The following DENND1B variants were observed in gnomAD, a reference collection of about 807,000 sequenced individuals.
DENND1B encodes DENN domain-containing protein 1B.
DENND1B carries 59 observed loss-of-function variants against 90.1 expected under a neutral mutation model. The observed-to-expected ratio is 0.65, with a 90% CI of 0.53 to 0.81. DENND1B has a LOEUF of 0.81. Among genes scored for constraint, DENND1B ranks in the 40% least tolerant of loss-of-function variants. DENND1B has a pLI of 0.00. For synonymous variants in DENND1B, 337 were observed against 324.6 expected, an observed-to-expected ratio of 1.04 and a Z score of -0.41; for missense variants, 862 against 912.6, an observed-to-expected ratio of 0.94 and a Z score of 0.71.
intron 15 of DENND1B, among the ~76,000 whole-genome samples, chr1:197,574,313 C>G (rs1422891083): frequency 6.6e-6 from 1 of 152,020 alleles, no homozygotes; most frequent in African/African-American, 2.4e-5. Flanking sequence ...AATCGGAGAG[C>G]CAAATCATGA....
At chr1:197,546,135 CAGTG>C (rs1670802056) in intron 17 of DENND1B, 145 bp from the exon 18 acceptor site, 2 of 310,572 alleles carry the variant, frequency 6.4e-6, no homozygotes, top group African/African-American at 6.0e-5. Flanking sequence ...GTTCAGTGTT[CAGTG>C]TTTTCAAGTT....
Position 197,540,877 on chromosome 1 carries a change from A to G in DENND1B, c.1407+82T>C, listed in dbSNP as rs1008672073. 7.6e-6 allele frequency: 10 copies of G among 1,323,514 alleles called. No individual in the cohort carries two copies. The Admixed American group carries it at 8.0e-5, about 11-fold the overall frequency. 82.0% of individuals were successfully genotyped at this position (1,323,514 alleles called of 1,614,324 possible). A position where few individuals can be genotyped will look rare whatever the true frequency, so the allele number is the denominator to read the frequency against. On this transcript the variant is annotated intron_variant, in intron 19 of 22. Coordinates refer to ENST00000620048, the MANE Select transcript of DENND1B (RefSeq NM_001195215.2). ...AAGCATATTTCAAATGTCATTAAAA[A>G]CACAAATTTCTAATTTGGAAGTATA...
At chr1:197,601,077 C>A (rs945307950) in intron 13 of DENND1B, among the ~76,000 whole-genome samples, 4 of 151,834 alleles carry the variant, frequency 2.6e-5, no homozygotes, top group African/African-American at 9.6e-5. Context: ...TTCTCTCCAA[C>A]TGCACCCTGT....
chr1:197,537,069 C>T (rs1669966468), intron 20 of DENND1B, among the ~76,000 whole-genome samples: 1 of 151,096 alleles, frequency 6.6e-6, no homozygotes, highest in Admixed American at 6.6e-5. Context: ...ATACATACAA[C>T]ACACAGATAT....
chr1:197,674,383 G>C (rs545855385), intron 3 of DENND1B, among the ~76,000 whole-genome samples: 41 of 152,172 alleles, frequency 2.7e-4, no homozygotes, highest in South Asian at 2.5e-3. Context: ...GAAACCCCAG[G>C]GGGGAAAGGC....
chr1:197,590,106 T>A (rs75081636), intron 14 of DENND1B, among the ~76,000 whole-genome samples: 1 of 152,210 alleles, frequency 6.6e-6, no homozygotes, highest in Non-Finnish European at 1.5e-5. Context: ...AGTGTTTTCC[T>A]TTCTGGAAAG....
chr1:197,590,354 G>C (rs1675087626), intron 14 of DENND1B, among the ~76,000 whole-genome samples: 1 of 152,044 alleles, frequency 6.6e-6, no homozygotes, highest in Non-Finnish European at 1.5e-5. Context: ...ACAGAGTCTT[G>C]TGCTCTTACC....
intron 2 of DENND1B, among the ~76,000 whole-genome samples, chr1:197,772,085 T>C (rs1213374925): frequency 1.3e-5 from 2 of 152,252 alleles, no homozygotes; most frequent in Non-Finnish European, 2.9e-5. Context: ...GCTGTGCTAT[T>C]GGAGTAAATC....
At chr1:197,674,279 T>A in intron 3 of DENND1B, 110 bp from the exon 4 acceptor site, 1 of 741,300 alleles carries the variant, frequency 1.3e-6, no homozygotes, top group Non-Finnish European at 2.2e-6. Flanking sequence ...TTCTTTGTCC[T>A]TAAGAAAAAT....
chr1:197,735,263 T>A (rs1662534750), intron 2 of DENND1B: 23 of 1,140,738 alleles, frequency 2.0e-5, no homozygotes, highest in Non-Finnish European at 2.5e-5. Flanking sequence ...ACCAAATACA[T>A]CCACCCAAAT....
intron 3 of DENND1B, among the ~76,000 whole-genome samples, chr1:197,682,483 T>C (rs545704614): frequency 5.2e-4 from 79 of 152,334 alleles, no homozygotes; most frequent in Middle Eastern, 3.4e-3. Context: ...CTAATTTTTA[T>C]GTATATTCAC....
chr1:197,668,066 T>C (rs928635327), intron 5 of DENND1B, among the ~76,000 whole-genome samples: 3 of 152,178 alleles, frequency 2.0e-5, no homozygotes, highest in African/African-American at 7.2e-5. Flanking sequence ...GTGTTAGCTA[T>C]TTCTTAAAAT....
chr1:197,774,060 T>G (rs1266805663), intron 1 of DENND1B, among the ~76,000 whole-genome samples: 1 of 152,232 alleles, frequency 6.6e-6, no homozygotes, highest in Admixed American at 6.5e-5. Context: ...TTTTAGCCTT[T>G]CCGCTATTAA....
chr1:197,569,775 T>C (rs566436599), intron 15 of DENND1B, among the ~76,000 whole-genome samples: 2 of 151,812 alleles, frequency 1.3e-5, no homozygotes, highest in African/African-American at 4.8e-5. Context: ...TTACCAGGGG[T>C]TGGGGTAAAG....
intron 15 of DENND1B, among the ~76,000 whole-genome samples, chr1:197,556,930 C>A (rs182303120): frequency 6.6e-6 from 1 of 151,926 alleles, no homozygotes; most frequent in Non-Finnish European, 1.5e-5. Flanking sequence ...TGGCAAAATA[C>A]CTGCCATAAA....
intron 5 of DENND1B, 73 bp from the exon 6 acceptor site, chr1:197,658,442 T>C: frequency 9.8e-7 from 1 of 1,016,828 alleles, no homozygotes. Context: ...AAACATTTAA[T>C]TCATATTAAT....
In DENND1B at chr1:197,775,383, G is replaced by GGCCGCCGCCCCCGTCTCCGCCGGTA. The variant is rs1214876349; in HGVS notation, c.-253_-229dup. The stretch of plus-strand genomic sequence containing the variant: ...CTTTCTGTGACAGCAGCGGTGGCGT[G>GGCCGCCGCCCCCGTCTCCGCCGGTA]GCCGCCGCCCCCGTCTCCGCCGGTA... On this transcript the variant is annotated 5_prime_UTR_variant, in exon 1 of 23. Coordinates refer to ENST00000620048, the MANE Select transcript of DENND1B (RefSeq NM_001195215.2). 1.2e-4 allele frequency: 42 copies of GGCCGCCGCCCCCGTCTCCGCCGGTA among 339,502 alleles called. No individual in the cohort carries two copies. The highest frequency in any genetic ancestry group is 7.8e-4 in the African/African-American group (36 of 46,392). 21.0% of individuals were successfully genotyped at this position (339,502 alleles called of 1,614,324 possible). A position where few individuals can be genotyped will look rare whatever the true frequency, so the allele number is the denominator to read the frequency against.
chr1:197,586,181 G>A (rs757821968), intron 14 of DENND1B, among the ~76,000 whole-genome samples: 1 of 151,940 alleles, frequency 6.6e-6, no homozygotes, highest in Non-Finnish European at 1.5e-5. Context: ...AAAGCTACAT[G>A]GTTGGCAATA....
At chr1:197,687,126 T>G (rs1490970099) in intron 3 of DENND1B, among the ~76,000 whole-genome samples, 1 of 152,196 alleles carries the variant, frequency 6.6e-6, no homozygotes, top group Admixed American at 6.5e-5. Flanking sequence ...GTTGAGAACA[T>G]GAACACAGAG....
Sources: gnomAD v4.1 joint callset for allele counts (sites outside exome capture counted in the v4.1 genomes callset) on GRCh38, gnomAD v4.1.1 for gene constraint, MANE v1.5 for transcripts, NCBI Gene and HGNC (gene_info 2026-07-23, HGNC 2026-07-21) for gene names.